DGKG: variants seen among roughly 807,000 people sequenced by gnomAD.
DGKG encodes DAG kinase gamma.
In DGKG, 78 loss-of-function variants were observed where a neutral mutation model predicts 105.3. The observed-to-expected ratio is 0.74, with a 90% CI of 0.62 to 0.89. The LOEUF (loss-of-function observed/expected upper bound fraction) is 0.89. DGKG is among the 40% of genes least tolerant of loss of function. The pLI is 0.00. For missense variants in DGKG, 958 were observed against 1,020.1 expected, an observed-to-expected ratio of 0.94 and a Z score of 0.83; for synonymous variants, 346 against 367.1, an observed-to-expected ratio of 0.94 and a Z score of 0.66.
rs866860851 is a variant in DGKG at position 186,299,838 on chromosome 3, T to C, written c.145-1609A>G. Among the ~76,000 whole-genome samples the C allele has an allele frequency of 2.3e-3, 195 of 83,740 alleles. 4 individuals are homozygous for C. Among genetic ancestry groups the C allele is most frequent in the African/African-American group, 0.01 (189 of 18,360 alleles). 54.9% of individuals were successfully genotyped at this position (83,740 alleles called of 152,430 possible). On this transcript the variant is annotated intron_variant, in intron 3 of 24. Coordinates refer to ENST00000265022, the MANE Select transcript of DGKG (RefSeq NM_001346.3). Reference sequence around the variant, plus strand: ...CTTTCTTTCTTTCTTTCTTTCTTTCTTTTTTTTTTTTTTTGAGATAGAGCC... The same window carrying C: ...CTTTCTTTCTTTCTTTCTTTCTTTCCTTTTTTTTTTTTTTGAGATAGAGCC...
At chr3:186,185,521 C>T (rs1717582591) in intron 22 of DGKG, among the ~76,000 whole-genome samples, 1 of 152,144 alleles carries the variant, frequency 6.6e-6, no homozygotes, top group South Asian at 2.1e-4. Flanking sequence ...GAGCTTCCCC[C>T]AGCCCTAGGG....
chr3:186,209,722 G>C (rs1292633180), intron 21 of DGKG, among the ~76,000 whole-genome samples: 1 of 151,912 alleles, frequency 6.6e-6, no homozygotes, highest in Non-Finnish European at 1.5e-5. Context: ...AAGGCTCTGC[G>C]GTCTCCTTAC....
chr3:186,235,720 G>A (rs9822031), intron 20 of DGKG, among the ~76,000 whole-genome samples: 15 of 152,130 alleles, frequency 9.9e-5, no homozygotes, highest in African/African-American at 2.9e-4. Flanking sequence ...GAGCTTTGTC[G>A]GTTTCTATTT....
intron 10 of DGKG, 29 bp from the exon 11 acceptor site, chr3:186,272,372 C>G (rs766338705): frequency 6.5e-7 from 1 of 1,547,772 alleles, no homozygotes; most frequent in African/African-American, 1.4e-5. Flanking sequence ...AAGGCAGGTG[C>G]TTGTGAATAG....
intron 20 of DGKG, among the ~76,000 whole-genome samples, chr3:186,217,316 T>C (rs1719343868): frequency 6.6e-6 from 1 of 152,214 alleles, no homozygotes; most frequent in Non-Finnish European, 1.5e-5. Context: ...AGATGACTAA[T>C]CCTTAACCAG....
chr3:186,302,616 A>G (rs1424034086), intron 3 of DGKG, among the ~76,000 whole-genome samples: 2 of 109,504 alleles, frequency 1.8e-5, no homozygotes, highest in Admixed American at 1.1e-4. Context: ...ATGTGTGTGT[A>G]TATACCTATA....
At chr3:186,244,044 C>T (rs528221050) in intron 19 of DGKG, among the ~76,000 whole-genome samples, 1 of 151,954 alleles carries the variant, frequency 6.6e-6, no homozygotes, top group Non-Finnish European at 1.5e-5. Flanking sequence ...TTGCAGGTGC[C>T]TACCATCACA....
At chr3:186,158,875 T>C in intron 24 of DGKG, 2 of 942,432 alleles carry the variant, frequency 2.1e-6, no homozygotes, top group Non-Finnish European at 2.5e-6. Flanking sequence ...ATGTGTTTAC[T>C]TATTCTGCTT....
Position 186,298,313 on chromosome 3 carries a change from G to A in DGKG, c.145-84C>T, listed in dbSNP as rs1326400805. ...GAGAAGGAAAAGGAATAGAAAAGCT[G>A]GCAGGTGAAAGGAATGGAAAGGGAG... On this transcript the variant is annotated intron_variant, in intron 3 of 24. Coordinates refer to ENST00000265022, the MANE Select transcript of DGKG (RefSeq NM_001346.3). 1.6e-5 allele frequency: 22 copies of A among 1,371,666 alleles called. No individual in the cohort carries two copies. The Admixed American group carries it at 5.4e-4, about 33-fold the overall frequency. 85.0% of individuals were successfully genotyped at this position (1,371,666 alleles called of 1,614,324 possible).
intron 20 of DGKG, among the ~76,000 whole-genome samples, chr3:186,233,478 CGTTGTT>C (rs146286671): frequency 1.3e-5 from 2 of 151,996 alleles, no homozygotes; most frequent in Non-Finnish European, 2.9e-5. Context: ...CCGTTTTTGT[CGTTGTT>C]GTTGTTGTTT....
chr3:186,276,854 AT>A (rs749578085), intron 9 of DGKG, among the ~76,000 whole-genome samples: 4 of 152,218 alleles, frequency 2.6e-5, no homozygotes, highest in Admixed American at 6.5e-5. Context: ...AGTGTCCAAT[AT>A]GCGGGACTCA....
chr3:186,176,759 T>C (rs1206590390), intron 22 of DGKG, among the ~76,000 whole-genome samples: 2 of 152,252 alleles, frequency 1.3e-5, no homozygotes, highest in African/African-American at 4.8e-5. Context: ...TTCTGGCATC[T>C]AGTGCTAGAT....
intron 16 of DGKG, among the ~76,000 whole-genome samples, chr3:186,259,103 ACGGGAC>A (rs1721622254): frequency 9.7e-6 from 1 of 103,056 alleles, no homozygotes; most frequent in African/African-American, 5.4e-5. Flanking sequence ...CTGCTCTCCG[ACGGGAC>A]TCTCCGACGG....
Position 186,268,826 on chromosome 3 carries a change from C to T in DGKG, c.1091G>A (p.Arg364Gln), listed in dbSNP as rs772015690. The T allele has an allele frequency of 7.4e-6, 12 of 1,613,642 alleles. No homozygotes were observed. Among genetic ancestry groups the T allele is most frequent in the Admixed American group, 1.7e-5 (1 of 60,010 alleles). Residue 364 changes from arginine (R) to glutamine (Q), a missense_variant, in exon 12 of 25, where the codon CGG becomes CAG. This residue lies in a region of DGKG where 643 missense variants were observed against 619.5 expected (regional missense o/e 1.04). Transcript: ENST00000265022. ...CGTCATCCGGCACCACACGCAGTGCCGCGCGGTGACACTCTGGTAGCACTT... is the reference window on the plus strand; with the variant it reads ...CGTCATCCGGCACCACACGCAGTGCTGCGCGGTGACACTCTGGTAGCACTT... ...SIKCYQSVTARHCVWCRMTFH... is the reference protein window; with the variant it reads ...SIKCYQSVTAQHCVWCRMTFH...
rs941762542 is a variant in DGKG at position 186,298,122 on chromosome 3, T to A, written c.252A>T (p.Arg84Ser). The change falls in exon 4 of 25, where the codon AGA becomes AGT. Residue 84 changes from arginine (R) to serine (S), a missense_variant. Coordinates refer to ENST00000265022, the MANE Select transcript of DGKG (RefSeq NM_001346.3). ...CCGTCGGGTGGTCAGAGGTCTCGTG[T>A]CTGGGCTTCTGGCTGAAGGCCAGGA... ...HLFLAFSQKP[R>S]HETSDHPTEG... 6.2e-7 allele frequency: 1 copy of A among 1,614,002 alleles called. No homozygotes were observed. Among genetic ancestry groups the A allele is most frequent in the East Asian group, 2.2e-5 (1 of 44,896 alleles).
At chr3:186,301,118 C>T (rs541666751) in intron 3 of DGKG, among the ~76,000 whole-genome samples, 3 of 152,336 alleles carry the variant, frequency 2.0e-5, no homozygotes, top group South Asian at 2.1e-4. Flanking sequence ...ACATCTGTCA[C>T]ATCCAGACCT....
chr3:186,309,790 A>G (rs1388100290), intron 2 of DGKG, among the ~76,000 whole-genome samples: 1 of 152,202 alleles, frequency 6.6e-6, no homozygotes, highest in Non-Finnish European at 1.5e-5. Context: ...CTGTAGCAGA[A>G]TTCCTTTGAT....
intron 22 of DGKG, among the ~76,000 whole-genome samples, chr3:186,166,134 TA>T (rs1716531335): frequency 6.6e-6 from 1 of 152,222 alleles, no homozygotes; most frequent in Non-Finnish European, 1.5e-5. Context: ...AACTATTGTT[TA>T]AAAAACAATC....
Position 186,288,837 on chromosome 3 carries a change from C to T in DGKG, c.417G>A (p.Val139=), listed in dbSNP as rs1392716796. The T allele has an allele frequency of 1.2e-6, 2 of 1,604,976 alleles. No homozygotes were observed. The highest frequency in any genetic ancestry group is 2.2e-5 in the East Asian group (1 of 44,568). ...CGGGGGGTTCCAGGGGGGTCGCAGC[C>T]ACTTGGTCTTCAGCTGGTGCTTGCT... is the stretch of plus-strand genomic sequence containing the variant. ...AEKQAPAEDQ[V]AATPLEPPVP... The change falls in exon 6 of 25, where the codon GTG becomes GTA. Residue 139 remains valine, a synonymous_variant. Coordinates refer to ENST00000265022, the MANE Select transcript of DGKG (RefSeq NM_001346.3).
Sources: gnomAD v4.1 joint callset for allele counts (sites outside exome capture counted in the v4.1 genomes callset) on GRCh38, gnomAD v4.1.1 for gene constraint, gnomAD v4.1.1 regional missense constraint, MANE v1.5 for transcripts, NCBI Gene and HGNC (gene_info 2026-07-23, HGNC 2026-07-21) for gene names.